KAZN: variants seen among roughly 807,000 people sequenced by gnomAD.
The protein encoded by KAZN is kazrin.
In KAZN, 40 loss-of-function variants were observed where a neutral mutation model predicts 87.4. The ratio of observed to expected loss-of-function variants is 0.46; its 90% CI spans 0.36 to 0.60. The LOEUF is 0.60. Ranked by LOEUF, KAZN falls within the 20% of genes least tolerant of loss-of-function variation. The pLI, the probability that KAZN is intolerant of heterozygous loss-of-function variation, is 0.00. For missense variants in KAZN, 898 were observed against 1,073.9 expected, an observed-to-expected ratio of 0.84 and a Z score of 2.29; for synonymous variants, 466 against 458.3, an observed-to-expected ratio of 1.02 and a Z score of -0.22.
In KAZN at chr1:15,083,277, G is replaced by T. The variant is rs554013880; in HGVS notation, c.1223-10903G>T. On this transcript the variant is annotated intron_variant, in intron 8 of 14. Transcript: ENST00000376030. The stretch of plus-strand genomic sequence containing the variant: ...TCAACCTCAGGCTAGGTGGAGGGGG[G>T]ACTGTTTCAGGGCAAAAATGGTGGA... Among the ~76,000 whole-genome samples the T allele has an allele frequency of 2.0e-5, 3 of 152,302 alleles. No homozygotes were observed. The South Asian group carries it at 6.2e-4, about 32-fold the overall frequency.
intron 1 of KAZN, among the ~76,000 whole-genome samples, chr1:14,639,381 T>C (rs911009166): frequency 6.6e-6 from 1 of 152,238 alleles, no homozygotes; most frequent in Non-Finnish European, 1.5e-5. Flanking sequence ...ACCAGCTTAA[T>C]GGTTTTCTGA....
intron 1 of KAZN, among the ~76,000 whole-genome samples, chr1:14,658,478 CA>C (rs1450174602): frequency 3.3e-5 from 5 of 152,080 alleles, no homozygotes; most frequent in Admixed American, 3.3e-4. Context: ...CCAATGTGTG[CA>C]AAGTATTGTG....
At chr1:14,764,045 A>G (rs10927543) in intron 1 of KAZN, among the ~76,000 whole-genome samples, 82,411 of 151,978 alleles carry the variant, frequency 0.54, 22,847 homozygotes, top group African/African-American at 0.62. Context: ...CACCACACCC[A>G]GCTTGCTACT....
intron 2 of KAZN, among the ~76,000 whole-genome samples, chr1:14,330,078 G>C (rs1289149404): frequency 6.6e-6 from 1 of 152,158 alleles, no homozygotes; most frequent in African/African-American, 2.4e-5. Context: ...GGTTCTCTCT[G>C]AATCTGTTAG....
chr1:13,899,578 G>A (rs943693913), intron 1 of KAZN, among the ~76,000 whole-genome samples: 1 of 151,160 alleles, frequency 6.6e-6, no homozygotes, highest in Non-Finnish European at 1.5e-5. Context: ...TGTGATTTCT[G>A]TTCATTGATG....
chr1:13,984,258 C>T (rs573528356), intron 1 of KAZN, among the ~76,000 whole-genome samples: 81 of 152,322 alleles, frequency 5.3e-4, no homozygotes, highest in African/African-American at 1.9e-3. Context: ...GATCTGCCCG[C>T]CTCGGCCTCC....
chr1:14,223,939 A>G (rs1571064599), intron 2 of KAZN, among the ~76,000 whole-genome samples: 2 of 152,218 alleles, frequency 1.3e-5, no homozygotes, highest in East Asian at 1.9e-4. Context: ...CCCCAAAAGT[A>G]TCTTCAACAA....
chr1:14,295,546 G>C (rs1345288381), intron 2 of KAZN, among the ~76,000 whole-genome samples: 1 of 152,012 alleles, frequency 6.6e-6, no homozygotes, highest in Non-Finnish European at 1.5e-5. Flanking sequence ...TACACACACA[G>C]ACATGCAGAG....
intron 2 of KAZN, among the ~76,000 whole-genome samples, chr1:14,369,835 A>G (rs1188920943): frequency 6.6e-6 from 1 of 152,190 alleles, no homozygotes; most frequent in African/African-American, 2.4e-5. Context: ...AATCTCAAAG[A>G]AGCAAGCCAT....
chr1:14,057,398 G>A (rs1642620640), intron 1 of KAZN, among the ~76,000 whole-genome samples: 1 of 152,180 alleles, frequency 6.6e-6, no homozygotes, highest in Non-Finnish European at 1.5e-5. Flanking sequence ...CTCCCAAAGT[G>A]CTGGGATTAT....
chr1:15,020,662 G>A (rs1199380726), intron 2 of KAZN, among the ~76,000 whole-genome samples: 1 of 152,210 alleles, frequency 6.6e-6, no homozygotes, highest in East Asian at 1.9e-4. Context: ...AGTGGCTGCG[G>A]CCATTCTCCT....
At chr1:14,434,487 C>T (rs539475286) in intron 2 of KAZN, among the ~76,000 whole-genome samples, 11 of 152,322 alleles carry the variant, frequency 7.2e-5, no homozygotes, top group Non-Finnish European at 1.3e-4. Context: ...CATGACACAT[C>T]ATTTCTAGTG....
chr1:14,099,576 C>T (rs1313053431), intron 1 of KAZN, among the ~76,000 whole-genome samples: 1 of 152,162 alleles, frequency 6.6e-6, no homozygotes, highest in Non-Finnish European at 1.5e-5. Flanking sequence ...ACAAGACTCC[C>T]ATCAGGAAAC....
At chr1:14,880,144 G>C (rs951041321) in intron 1 of KAZN, among the ~76,000 whole-genome samples, 114 of 152,266 alleles carry the variant, frequency 7.5e-4, no homozygotes, top group African/African-American at 2.6e-3. Context: ...AGAGTTATGT[G>C]TGAAAAGGGA....
intron 2 of KAZN, among the ~76,000 whole-genome samples, chr1:14,989,235 G>A (rs985165832): frequency 6.6e-6 from 1 of 152,210 alleles, no homozygotes; most frequent in African/African-American, 2.4e-5. Flanking sequence ...CAGCACTTTG[G>A]GAGGCCAAGG....
intron 2 of KAZN, among the ~76,000 whole-genome samples, chr1:14,540,241 A>G (rs1672729491): frequency 6.6e-6 from 1 of 152,324 alleles, no homozygotes; most frequent in South Asian, 2.1e-4. Context: ...ATACGGTGAC[A>G]CTGGCCTTCA....
intron 8 of KAZN, 150 bp downstream of exon 8, chr1:15,065,903 G>A (rs997882582): frequency 3.7e-4 from 547 of 1,473,128 alleles, no homozygotes; most frequent in Non-Finnish European, 4.7e-4. Context: ...GCGTGTGCAC[G>A]TGTGCGCTGG....
chr1:14,637,261 C>T (rs2148668751), intron 1 of KAZN, among the ~76,000 whole-genome samples: 1 of 152,256 alleles, frequency 6.6e-6, no homozygotes, highest in South Asian at 2.1e-4. Context: ...TCATGGTATT[C>T]AAAGGAATAC....
intron 1 of KAZN, among the ~76,000 whole-genome samples, chr1:13,938,138 A>G (rs1235395996): frequency 1.3e-5 from 2 of 152,166 alleles, no homozygotes; most frequent in Non-Finnish European, 1.5e-5. Flanking sequence ...TCATTTTAAA[A>G]ATATTGATTC....
Sources: allele counts gnomAD v4.1 joint callset (sites outside exome capture counted in the v4.1 genomes callset), GRCh38; gene constraint gnomAD v4.1.1; transcripts MANE v1.5; gene names NCBI Gene and HGNC (gene_info 2026-07-23, HGNC 2026-07-21).